RAPGEF2: variants seen among roughly 807,000 people sequenced by gnomAD.
RAPGEF2 encodes the protein PDZ domain containing guanine nucleotide exchange factor (GEF) 1.
A neutral mutation model predicts 186.7 loss-of-function variants in RAPGEF2; 54 were observed. That is an observed-to-expected ratio of 0.29 (90% CI 0.23 to 0.36). The LOEUF (loss-of-function observed/expected upper bound fraction) is 0.36. Among genes scored for constraint, RAPGEF2 ranks in the 10% least tolerant of loss-of-function variants. The pLI is 1.00. For synonymous variants in RAPGEF2, 712 were observed against 705.9 expected (o/e 1.01, Z -0.14); for missense variants, 1,532 against 2,045.0 (o/e 0.75, Z 4.84).
chr4:159,188,178 G>A (rs1033665776), intron 2 of RAPGEF2, among the ~76,000 whole-genome samples: 2 of 152,040 alleles, frequency 1.3e-5, no homozygotes, highest in Non-Finnish European at 2.9e-5. Context: ...ATTTAATTGC[G>A]TGCGGTTAAT....
chr4:159,302,018 A>G (rs1228741649), intron 7 of RAPGEF2, among the ~76,000 whole-genome samples: 1 of 152,220 alleles, frequency 6.6e-6, no homozygotes, highest in Non-Finnish European at 1.5e-5. Context: ...CTCAATAAGT[A>G]TTTATTAAAT....
intron 25 of RAPGEF2, among the ~76,000 whole-genome samples, chr4:159,349,652 C>T (rs1730890644): frequency 6.6e-6 from 1 of 152,208 alleles, no homozygotes; most frequent in South Asian, 2.1e-4. Context: ...GTTAGCTCCT[C>T]TTAGCTCTTG....
intron 1 of RAPGEF2, among the ~76,000 whole-genome samples, chr4:159,178,241 A>G (rs1351463784): frequency 6.6e-6 from 1 of 152,098 alleles, no homozygotes; most frequent in East Asian, 1.9e-4. Context: ...TTTGTTGTGT[A>G]CAAGCAGCAA....
At chr4:159,329,803 G>C (rs73859129) in intron 11 of RAPGEF2, 55 bp from the exon 12 acceptor site, 2 of 1,460,320 alleles carry the variant, frequency 1.4e-6, no homozygotes, top group Non-Finnish European at 1.9e-6. Flanking sequence ...TATTAGTACT[G>C]CTAGGTCTTT....
intron 8 of RAPGEF2, among the ~76,000 whole-genome samples, chr4:159,311,889 G>C (rs1399022421): frequency 6.6e-6 from 1 of 152,034 alleles, no homozygotes; most frequent in Non-Finnish European, 1.5e-5. Context: ...AAGGTAAAAT[G>C]GTTATTTATT....
At chr4:159,307,920 A>G (rs561896112) in intron 8 of RAPGEF2, among the ~76,000 whole-genome samples, 59 of 152,328 alleles carry the variant, frequency 3.9e-4, no homozygotes, top group Non-Finnish European at 7.6e-4. Flanking sequence ...GCAGTGATCC[A>G]AGATCTCCCC....
chr4:159,104,116 A>C lies in RAPGEF2; in HGVS notation c.-47A>C. On this transcript the variant is annotated 5_prime_UTR_variant, in exon 1 of 30. Transcript: ENST00000691494. ...GCAGCAGCGGCGCTGGGCCGGGAGG[A>C]GGCCGGCCAGGGTGCGGAGCGGCCC... 2 of 1,310,452 alleles carry C rather than the reference A, an allele frequency of 1.5e-6. No individual in the cohort carries two copies. Among genetic ancestry groups the C allele is most frequent in the Non-Finnish European group, 2.0e-6 (2 of 979,978 alleles). The allele number at this position is 1,310,452 out of a possible 1,614,324, so 81.2% of individuals were successfully genotyped here.
At chr4:159,189,262 T>C (rs192380222) in intron 2 of RAPGEF2, among the ~76,000 whole-genome samples, 1 of 152,314 alleles carries the variant, frequency 6.6e-6, no homozygotes, top group Non-Finnish European at 1.5e-5. Flanking sequence ...GGAGTGGAAG[T>C]GGCTTTTATT....
chr4:159,237,969 G>C (rs916559726), intron 4 of RAPGEF2, among the ~76,000 whole-genome samples: 1 of 151,038 alleles, frequency 6.6e-6, no homozygotes, highest in African/African-American at 2.4e-5. Context: ...AGTGAGCTGT[G>C]ATTGTGCCAC....
intron 4 of RAPGEF2, among the ~76,000 whole-genome samples, chr4:159,237,842 T>TAAAAAAAAAAAAAAAAAA (rs58593781): frequency 1.5e-5 from 1 of 66,942 alleles, no homozygotes; most frequent in African/African-American, 5.5e-5. Context: ...CTACAAAAAT[T>TAAAAAAAAAAAAAAAAAA]AAAAAAAAAA....
intron 7 of RAPGEF2, among the ~76,000 whole-genome samples, chr4:159,244,955 C>T (rs10446750): frequency 0.62 from 93,401 of 151,560 alleles, 29,928 homozygotes; most frequent in African/African-American, 0.74. Context: ...TTTTATGTAC[C>T]TCAGTGTTTT....
chr4:159,104,263 G>A lies in RAPGEF2; in HGVS notation c.69+32G>A, dbSNP rs773930459. 444 of 1,346,956 alleles carry A rather than the reference G, an allele frequency of 3.3e-4. 7 individuals carry two copies. In the Middle Eastern group the frequency reaches 0.01, roughly 32 times the overall value. The allele number at this position is 1,346,956 out of a possible 1,614,324, so 83.4% of individuals were successfully genotyped here. A position where few individuals can be genotyped will look rare whatever the true frequency, so the allele number is the denominator to read the frequency against. On this transcript the variant is annotated intron_variant, in intron 1 of 29. Transcript: ENST00000691494. Reference sequence around the variant, plus strand: ...ACGCGGCGGCCGCCTGCCCTTGGCCGGATTTCTGCCTCGCAGGCTGCGTCT... The same window carrying A: ...ACGCGGCGGCCGCCTGCCCTTGGCCAGATTTCTGCCTCGCAGGCTGCGTCT...
chr4:159,273,656 TTCTTTC>T (rs1203298423), intron 7 of RAPGEF2, among the ~76,000 whole-genome samples: 1 of 147,054 alleles, frequency 6.8e-6, no homozygotes, highest in Non-Finnish European at 1.5e-5. Context: ...CTTTCTTTCT[TTCTTTC>T]TTTCTTTCTT....
intron 4 of RAPGEF2, among the ~76,000 whole-genome samples, chr4:159,238,496 A>G (rs1345029176): frequency 1.3e-5 from 2 of 152,200 alleles, no homozygotes. Context: ...AATATTCTCA[A>G]AGTTCACCTG....
At chr4:159,200,542 G>A (rs1424753485) in intron 3 of RAPGEF2, among the ~76,000 whole-genome samples, 1 of 151,738 alleles carries the variant, frequency 6.6e-6, no homozygotes, top group African/African-American at 2.4e-5. Context: ...GGCTTTACTG[G>A]TTCTTTAGTA....
chr4:159,262,646 CTTT>C (rs1316744904), intron 7 of RAPGEF2, among the ~76,000 whole-genome samples: 1 of 152,148 alleles, frequency 6.6e-6, no homozygotes, highest in Non-Finnish European at 1.5e-5. Context: ...TTACAGGCTT[CTTT>C]GTTTTTCTGC....
At chr4:159,157,164 A>AATGT (rs1744218438) in intron 1 of RAPGEF2, among the ~76,000 whole-genome samples, 3 of 152,150 alleles carry the variant, frequency 2.0e-5, no homozygotes, top group Non-Finnish European at 2.9e-5. Flanking sequence ...TCTTCACATA[A>AATGT]CACTTCATGA....
intron 1 of RAPGEF2, among the ~76,000 whole-genome samples, chr4:159,126,692 C>G (rs767392829): frequency 1.2e-4 from 19 of 152,172 alleles, no homozygotes; most frequent in Non-Finnish European, 2.4e-4. Context: ...ATCCTTTTCC[C>G]CCTCTGCTTT....
chr4:159,169,774 A>G (rs1232426120), intron 1 of RAPGEF2, among the ~76,000 whole-genome samples: 2 of 152,214 alleles, frequency 1.3e-5, no homozygotes, highest in African/African-American at 4.8e-5. Flanking sequence ...TTTAAGGCTA[A>G]TATTCTGTTA....
Sources: gnomAD v4.1 joint callset for allele counts (sites outside exome capture counted in the v4.1 genomes callset) on GRCh38, gnomAD v4.1.1 for gene constraint, MANE v1.5 for transcripts, NCBI Gene and HGNC (gene_info 2026-07-23, HGNC 2026-07-21) for gene names.